The following IGFBP2 variants were observed in gnomAD, a reference collection of about 807,000 sequenced individuals.
IGFBP2 encodes the protein insulin-like growth factor-binding protein 2.
A neutral mutation model predicts 26.2 loss-of-function variants in IGFBP2; 12 were observed. The observed-to-expected ratio is 0.46, with a 90% confidence interval of 0.29 to 0.74. The LOEUF (loss-of-function observed/expected upper bound fraction) is 0.74. Ranked by LOEUF, IGFBP2 falls within the 30% of genes least tolerant of loss-of-function variation. The pLI is 0.09. For missense variants in IGFBP2, 328 were observed against 441.2 expected (o/e 0.74, Z 2.30); for synonymous variants, 189 against 200.6 (o/e 0.94, Z 0.49).
intron 1 of IGFBP2, among the ~76,000 whole-genome samples, chr2:216,639,114 G>A (rs1036205381): frequency 1.3e-5 from 2 of 149,198 alleles, no homozygotes; most frequent in Admixed American, 1.4e-4. Context: ...CTCACTGCAA[G>A]CTCTGCTTCC....
chr2:216,639,092 G>A (rs1410211018), intron 1 of IGFBP2, among the ~76,000 whole-genome samples: 1 of 148,358 alleles, frequency 6.7e-6, no homozygotes. Context: ...GAGTGCAGTG[G>A]CGTGATCTTG....
At position 216,633,709 on chromosome 2, in the gene IGFBP2, C is replaced by T; in HGVS notation, c.186C>T (p.Ala62=). 1 of 1,198,528 alleles carries T rather than the reference C, an allele frequency of 8.3e-7. No individual in the cohort carries two copies. The highest frequency in any genetic ancestry group is 1.0e-6 in the Non-Finnish European group (1 of 968,048). 74.2% of individuals were successfully genotyped at this position (1,198,528 alleles called of 1,614,324 possible). ...ACGPPPVAPP[A]AVAAVAGGAR... ...GGCCCCCGCCGGTTGCGCCGCCCGC[C>T]GCGGTGGCCGCAGTGGCCGGAGGCG... Residue 62 remains alanine, a synonymous_variant, in exon 1 of 4, where the codon GCC becomes GCT. Coordinates refer to ENST00000233809, the MANE Select transcript of IGFBP2 (RefSeq NM_000597.3).
chr2:216,649,024 C>T (rs1266646933), intron 1 of IGFBP2, among the ~76,000 whole-genome samples: 2 of 152,160 alleles, frequency 1.3e-5, no homozygotes, highest in Admixed American at 6.5e-5. Context: ...TCCACTAGCA[C>T]GCAGTACTTA....
chr2:216,636,472 T>G (rs927645216), intron 1 of IGFBP2, among the ~76,000 whole-genome samples: 2 of 151,212 alleles, frequency 1.3e-5, no homozygotes, highest in African/African-American at 4.9e-5. Context: ...GGTGGGCACA[T>G]CAGTGGGTGG....
At chr2:216,635,623 A>C (rs1474093852) in intron 1 of IGFBP2, among the ~76,000 whole-genome samples, 1 of 146,810 alleles carries the variant, frequency 6.8e-6, no homozygotes, top group Admixed American at 6.8e-5. Context: ...TTTTTTTCCT[A>C]CTCTTCATTC....
chr2:216,643,271 G>A (rs1697650800), intron 1 of IGFBP2, among the ~76,000 whole-genome samples: 1 of 152,268 alleles, frequency 6.6e-6, no homozygotes, highest in South Asian at 2.1e-4. Flanking sequence ...TTTTGCAAGG[G>A]GCTGTTGGAT....
chr2:216,656,043 T>TGTGCC (rs1436629926), intron 1 of IGFBP2, among the ~76,000 whole-genome samples: 1 of 152,226 alleles, frequency 6.6e-6, no homozygotes, highest in Non-Finnish European at 1.5e-5. Context: ...TCCTAGGCAC[T>TGTGCC]GTGCCTCCAG....
chr2:216,660,450 G>T, intron 1 of IGFBP2, 107 bp from the exon 2 acceptor site: 1 of 751,564 alleles, frequency 1.3e-6, no homozygotes, highest in Non-Finnish European at 2.1e-6. Context: ...CTCATTAGCC[G>T]CGCGTCATCT....
At chr2:216,653,835 AC>A (rs1474698388) in intron 1 of IGFBP2, among the ~76,000 whole-genome samples, 2 of 151,974 alleles carry the variant, frequency 1.3e-5, no homozygotes, top group African/African-American at 4.8e-5. Flanking sequence ...TTCTGTGTTG[AC>A]CCATTTCCCT....
chr2:216,647,344 G>C (rs922115630), intron 1 of IGFBP2, among the ~76,000 whole-genome samples: 1 of 152,134 alleles, frequency 6.6e-6, no homozygotes, highest in Non-Finnish European at 1.5e-5. Context: ...CTAAGACCAA[G>C]TTTATGTCTT....
At chr2:216,638,763 G>T (rs1697553215) in intron 1 of IGFBP2, among the ~76,000 whole-genome samples, 2 of 149,410 alleles carry the variant, frequency 1.3e-5, no homozygotes, top group South Asian at 4.3e-4. Context: ...GCAGTGGTGC[G>T]ATCTCGGCTC....
At chr2:216,653,032 A>C (rs1217122236) in intron 1 of IGFBP2, among the ~76,000 whole-genome samples, 1 of 152,228 alleles carries the variant, frequency 6.6e-6, no homozygotes, top group Non-Finnish European at 1.5e-5. Context: ...AGAATAAAGA[A>C]AAGAAGAAAG....
intron 3 of IGFBP2, chr2:216,662,536 T>C (rs942975255): frequency 6.3e-6 from 1 of 159,380 alleles, no homozygotes; most frequent in African/African-American, 2.4e-5. Flanking sequence ...TGAAAAGCCA[T>C]CTAGAACACC....
At chr2:216,649,499 C>T (rs1335185251) in intron 1 of IGFBP2, among the ~76,000 whole-genome samples, 1 of 152,212 alleles carries the variant, frequency 6.6e-6, no homozygotes, top group Non-Finnish European at 1.5e-5. Context: ...GCACAGTCTA[C>T]TCACTTGGGC....
chr2:216,661,713 A>T, intron 2 of IGFBP2, 145 bp from the exon 3 acceptor site: 1 of 925,940 alleles, frequency 1.1e-6, no homozygotes, highest in Non-Finnish European at 1.7e-6. Flanking sequence ...GCAGGCTGTC[A>T]GAAGTCCCTG....
intron 1 of IGFBP2, among the ~76,000 whole-genome samples, chr2:216,652,663 T>C (rs1357416753): frequency 6.6e-6 from 1 of 152,220 alleles, no homozygotes; most frequent in East Asian, 1.9e-4. Context: ...TGGAGTCGTC[T>C]AGAGAGCAGG....
At chr2:216,660,448 CCG>C in intron 1 of IGFBP2, 107 bp from the exon 2 acceptor site, 1 of 739,090 alleles carries the variant, frequency 1.4e-6, no homozygotes, top group Non-Finnish European at 2.2e-6. Context: ...CACTCATTAG[CCG>C]CGCGTCATCT....
chr2:216,660,911 A>G (rs781371341), intron 2 of IGFBP2, 125 bp downstream of exon 2: 2 of 717,606 alleles, frequency 2.8e-6, no homozygotes, highest in Non-Finnish European at 4.7e-6. Context: ...TTTTCTTTCC[A>G]CAAACATAGT....
At chr2:216,640,238 C>CTATATATA (rs1323489661) in intron 1 of IGFBP2, among the ~76,000 whole-genome samples, 1 of 152,050 alleles carries the variant, frequency 6.6e-6, no homozygotes. Flanking sequence ...TGACTGGAGA[C>CTATATATA]TATAATGCTT....
Sources: gnomAD v4.1 joint callset for allele counts (sites outside exome capture counted in the v4.1 genomes callset) on GRCh38, gnomAD v4.1.1 for gene constraint, MANE v1.5 for transcripts, NCBI Gene and HGNC (gene_info 2026-07-23, HGNC 2026-07-21) for gene names.